Variants in RGS6 observed in about 807,000 individuals in gnomAD.
The protein encoded by RGS6 is regulator of G-protein signaling 6.
RGS6 carries 30 observed loss-of-function variants against 78.5 expected under a neutral mutation model. The observed-to-expected ratio is 0.38, with a 90% confidence interval of 0.29 to 0.52. The LOEUF (loss-of-function observed/expected upper bound fraction) is 0.52. RGS6 is among the 20% of genes least tolerant of loss of function. The pLI is 0.85. For synonymous variants in RGS6, 206 were observed against 206.0 expected (o/e 1.00, Z 0.00); for missense variants, 495 against 609.7 (o/e 0.81, Z 1.98).
intron 2 of RGS6, among the ~76,000 whole-genome samples, chr14:71,975,567 T>C (rs1178421461): frequency 1.3e-5 from 2 of 152,090 alleles, no homozygotes; most frequent in African/African-American, 4.8e-5. Flanking sequence ...CAAGTGATTC[T>C]CCTGCCCCAA....
chr14:72,438,553 A>C (rs891941358), intron 3 of RGS6, among the ~76,000 whole-genome samples: 2 of 152,174 alleles, frequency 1.3e-5, no homozygotes, highest in Non-Finnish European at 2.9e-5. Flanking sequence ...CCAACTAGTT[A>C]AGCTAGAAAC....
chr14:72,585,771 A>G, the RGS6 span, among the ~76,000 whole-genome samples: 1 of 152,162 alleles, frequency 6.6e-6, no homozygotes, highest in Non-Finnish European at 1.5e-5. Flanking sequence ...TTCCCTTTGT[A>G]TCATCCTGAT....
chr14:72,511,175 T>C (rs1021262899), intron 14 of RGS6, among the ~76,000 whole-genome samples: 9 of 152,224 alleles, frequency 5.9e-5, no homozygotes, highest in African/African-American at 1.9e-4. Context: ...ATCTCTCTCT[T>C]TCTTTTTTCT....
In RGS6 at chr14:72,024,134, T is replaced by C. The variant is rs567919712; in HGVS notation, c.84+59259T>C. On this transcript the variant is annotated intron_variant, in intron 2 of 17. Transcript: ENST00000553525. ...AAAAATAATTGCTGCCTGGGAGAAG[T>C]TGAGAGGCTTTGTAATTCTGCCCTG... Among the ~76,000 whole-genome samples the C allele has an allele frequency of 1.5e-3, 228 of 152,218 alleles. 1 individual carries two copies. Among genetic ancestry groups the C allele is most frequent in the African/African-American group, 5.1e-3 (212 of 41,548 alleles).
intron 16 of RGS6, among the ~76,000 whole-genome samples, chr14:72,538,655 G>A (rs987558953): frequency 6.6e-6 from 1 of 152,258 alleles, no homozygotes; most frequent in African/African-American, 2.4e-5. Flanking sequence ...GCTGGCCACA[G>A]GGTTCAAGCT....
chr14:72,324,596 A>ACATG (rs1221103692), intron 2 of RGS6, among the ~76,000 whole-genome samples: 1 of 151,252 alleles, frequency 6.6e-6, no homozygotes, highest in Non-Finnish European at 1.5e-5. Context: ...ATGAGTGAGA[A>ACATG]CATGCGGTGT....
intron 2 of RGS6, among the ~76,000 whole-genome samples, chr14:72,300,064 A>G (rs2065730686): frequency 6.6e-6 from 1 of 152,130 alleles, no homozygotes. Context: ...ATTTAGATCA[A>G]GGATCTAAAT....
intron 13 of RGS6, among the ~76,000 whole-genome samples, chr14:72,501,015 GGTTTGGT>G (rs1279407793): frequency 6.6e-6 from 1 of 152,120 alleles, no homozygotes; most frequent in Non-Finnish European, 1.5e-5. Context: ...TGAGAGGAGG[GGTTTGGT>G]GGGTGTGGGT....
intron 2 of RGS6, among the ~76,000 whole-genome samples, chr14:72,263,360 T>A (rs2058499702): frequency 6.6e-6 from 1 of 152,164 alleles, no homozygotes; most frequent in East Asian, 1.9e-4. Flanking sequence ...CTGCAGACTC[T>A]CCGGACGACC....
chr14:72,588,922 T>C, the RGS6 span, among the ~76,000 whole-genome samples: 2 of 152,114 alleles, frequency 1.3e-5, no homozygotes, highest in African/African-American at 4.8e-5. Context: ...AACCCCTCTC[T>C]CTGATTGGCT....
intron 2 of RGS6, among the ~76,000 whole-genome samples, chr14:72,345,346 T>C (rs2077815287): frequency 6.6e-6 from 1 of 152,230 alleles, no homozygotes; most frequent in Admixed American, 6.5e-5. Context: ...TTGGATTTTT[T>C]TGTTGTGGTT....
At chr14:72,519,611 C>T (rs528195433) in intron 15 of RGS6, among the ~76,000 whole-genome samples, 1 of 152,312 alleles carries the variant, frequency 6.6e-6, no homozygotes, top group East Asian at 1.9e-4. Context: ...ACTTCTCTCC[C>T]CCTGGTCACG....
intron 2 of RGS6, among the ~76,000 whole-genome samples, chr14:72,104,059 C>T (rs1487820500): frequency 2.6e-5 from 4 of 152,124 alleles, no homozygotes; most frequent in African/African-American, 7.2e-5. Flanking sequence ...GCTTATTGAA[C>T]GTCCTTTAAT....
At chr14:72,203,128 G>T (rs1482315779) in intron 2 of RGS6, among the ~76,000 whole-genome samples, 1 of 152,086 alleles carries the variant, frequency 6.6e-6, no homozygotes, top group Non-Finnish European at 1.5e-5. Flanking sequence ...GCCCGCCTCG[G>T]CCTCCCAAAG....
chr14:72,399,271 C>T (rs1376027953), intron 3 of RGS6, among the ~76,000 whole-genome samples: 2 of 152,114 alleles, frequency 1.3e-5, no homozygotes, highest in African/African-American at 4.8e-5. Context: ...TATTGATCCC[C>T]TTTACCATTA....
At chr14:72,508,484 C>T (rs1656390044) in intron 13 of RGS6, among the ~76,000 whole-genome samples, 1 of 147,732 alleles carries the variant, frequency 6.8e-6, no homozygotes. Flanking sequence ...GGGATATTTT[C>T]ATCATTGCAG....
intron 2 of RGS6, among the ~76,000 whole-genome samples, chr14:72,246,293 C>T (rs117224726): frequency 5.9e-5 from 9 of 152,264 alleles, no homozygotes; most frequent in Middle Eastern, 3.4e-3. Context: ...CCTAGTCCTA[C>T]GTTTAAAAAG....
chr14:72,171,885 G>A lies in RGS6; in HGVS notation c.85-180210G>A, dbSNP rs539234242. 2.6e-5 allele frequency among the ~76,000 whole-genome samples: 4 copies of A among 152,292 alleles called. No homozygotes were observed. The South Asian group carries it at 6.2e-4, about 24-fold the overall frequency. On this transcript the variant is annotated intron_variant, in intron 2 of 17. Transcript: ENST00000553525. ...ACCACTTTGCTGAGGAGGCAACTGA[G>A]ACACAGAAATTAAGTAACTTGCCCA...
At chr14:72,335,142 G>C (rs2075802042) in intron 2 of RGS6, among the ~76,000 whole-genome samples, 1 of 152,134 alleles carries the variant, frequency 6.6e-6, no homozygotes, top group African/African-American at 2.4e-5. Flanking sequence ...CTCCATGATT[G>C]TGAGGCTTCC....
Sources: gnomAD v4.1 joint callset for allele counts (sites outside exome capture counted in the v4.1 genomes callset) on GRCh38, gnomAD v4.1.1 for gene constraint, MANE v1.5 for transcripts, NCBI Gene and HGNC (gene_info 2026-07-23, HGNC 2026-07-21) for gene names.